CLEC4M: variants seen among roughly 807,000 people sequenced by gnomAD.
CLEC4M encodes the protein CD209 antigen-like protein 1.
A neutral mutation model predicts 39.1 loss-of-function variants in CLEC4M; 25 were observed. That is an observed-to-expected ratio of 0.64 (90% CI 0.47 to 0.89). CLEC4M has a LOEUF of 0.89. Ranked by LOEUF, CLEC4M falls within the 40% of genes least tolerant of loss-of-function variation. The pLI is 0.00. For synonymous variants in CLEC4M, 155 were observed against 177.4 expected (o/e 0.87, Z 1.00); for missense variants, 353 against 431.4 (o/e 0.82, Z 1.61).
At chr19:7,766,601 A>G (rs2034284763) in intron 4 of CLEC4M, 55 bp from the exon 5 acceptor site, 3 of 1,609,290 alleles carry the variant, frequency 1.9e-6, no homozygotes, top group Admixed American at 3.3e-5. Context: ...CTGGGCAGAT[A>G]TGGGAATATG....
chr19:7,763,341 T>C (rs1162796274), intron 1 of CLEC4M, 29 bp downstream of exon 1: 22 of 1,611,978 alleles, frequency 1.4e-5, no homozygotes, highest in Non-Finnish European at 1.9e-5. Flanking sequence ...TCTGGGATCC[T>C]GGGTAAGGGG....
Position 7,766,006 on chromosome 19 carries a change from T to G in CLEC4M, c.583T>G (p.Leu195Val), listed in dbSNP as rs142166281. ...LTRLKAAVGE[L>V]PEKSKLQEIY... is the part of the protein sequence containing the mutation. ...CCGGCTGAAGGCTGCAGTGGGTGAG[T>G]TGCCAGAGAAATCCAAGCTGCAGGA... is the stretch of plus-strand genomic sequence containing the variant. Residue 195 changes from leucine to valine, a missense_variant, in exon 4 of 7, where the codon TTG becomes GTG. Around this residue, in one of 4 missense-constraint regions of CLEC4M, gnomAD observed 18 missense variants for 77.1 expected, o/e 0.23. Coordinates refer to ENST00000327325, the MANE Select transcript of CLEC4M (RefSeq NM_014257.5). The G allele has an allele frequency of 1.4e-6, 2 of 1,407,380 alleles. No homozygotes were observed. Among genetic ancestry groups the G allele is most frequent in the African/African-American group, 3.1e-5 (2 of 64,140 alleles). The allele number at this position is 1,407,380 out of a possible 1,614,324, so 87.2% of individuals were successfully genotyped here. A position where few individuals can be genotyped will look rare whatever the true frequency, so the allele number is the denominator to read the frequency against.
Position 7,763,468 on chromosome 19 carries a change from G to A in CLEC4M, c.122G>A (p.Ser41Asn), listed in dbSNP as rs1212099048. Residue 41 changes from serine (S) to asparagine (N), a missense_variant, in exon 2 of 7, where the codon AGC (serine) becomes AAC (asparagine). Ser to Asn is a conservative substitution (Grantham distance 46). Around this residue, in one of 4 missense-constraint regions of CLEC4M, gnomAD observed 91 missense variants for 77.8 expected, o/e 1.17. Coordinates refer to ENST00000327325, the MANE Select transcript of CLEC4M (RefSeq NM_014257.5). ...FQFQQIHGHK[S>N]STGCLGHGAL... ...TTCCAGCAGATACATGGCCACAAGA[G>A]CTCTACAGGTAGGCAAGAGTTAGGG... 3 of 1,613,888 alleles carry A rather than the reference G, an allele frequency of 1.9e-6. No homozygotes were observed. Among genetic ancestry groups the A allele is most frequent in the African/African-American group, 2.7e-5 (2 of 75,022 alleles).
Position 7,768,976 on chromosome 19 carries a change from C to T in CLEC4M, c.1188C>T (p.Phe396=). ...YWICKKPAAC[F]RDE ...TCTGCAAAAAGCCCGCAGCCTGCTT[C>T]AGAGACGAATAGTTGTTTCCCTGCT... Residue 396 remains phenylalanine, a synonymous_variant, in exon 7 of 7, where the codon TTC becomes TTT. Coordinates refer to ENST00000327325, the MANE Select transcript of CLEC4M (RefSeq NM_014257.5). 3.1e-6 allele frequency: 5 copies of T among 1,614,042 alleles called. No homozygotes were observed. Among genetic ancestry groups the T allele is most frequent in the Non-Finnish European group, 3.4e-6 (4 of 1,179,908 alleles).
chr19:7,768,386 C>A (rs1012987255), intron 6 of CLEC4M: 8 of 156,616 alleles, frequency 5.1e-5, no homozygotes, highest in African/African-American at 1.9e-4. Context: ...CCATGCTGGC[C>A]AACACGGTGA....
chr19:7,767,035 G>A, intron 5 of CLEC4M: 2 of 707,194 alleles, frequency 2.8e-6, no homozygotes, highest in Non-Finnish European at 4.5e-6. Context: ...AACCACCACA[G>A]CATGCTGCAG....
chr19:7,768,735 TAC>T (rs1479397948), intron 6 of CLEC4M, 101 bp from the exon 7 acceptor site: 1 of 1,365,564 alleles, frequency 7.3e-7, no homozygotes, highest in African/African-American at 1.4e-5. Context: ...ATGTCCAGCA[TAC>T]ACATGTAGGG....
Position 7,769,024 on chromosome 19 carries a change from T to C in CLEC4M, c.*36T>C, listed in dbSNP as rs1406671292. On this transcript the variant is annotated 3_prime_UTR_variant, in exon 7 of 7. Coordinates refer to ENST00000327325, the MANE Select transcript of CLEC4M (RefSeq NM_014257.5). Reference sequence around the variant, plus strand: ...GCTAGCCTCAGCCTCCATTGTGGTATAGCAGAACTTCACCCACTTGTAAGC... The same window carrying C: ...GCTAGCCTCAGCCTCCATTGTGGTACAGCAGAACTTCACCCACTTGTAAGC... The C allele has an allele frequency of 1.9e-6, 3 of 1,603,332 alleles. No homozygotes were observed. Among genetic ancestry groups the C allele is most frequent in the Non-Finnish European group, 2.6e-6 (3 of 1,172,676 alleles).
At chr19:7,766,571 G>A in intron 4 of CLEC4M, 85 bp from the exon 5 acceptor site, 1 of 1,590,148 alleles carries the variant, frequency 6.3e-7, no homozygotes. Flanking sequence ...GAAGGGCCCT[G>A]ATTTTCAAGG....
intron 5 of CLEC4M, chr19:7,767,178 G>C (rs1271502356): frequency 1.4e-5 from 6 of 426,400 alleles, no homozygotes; most frequent in African/African-American, 9.9e-5. Context: ...GCTGAAAGGA[G>C]ATGTGCTGGA....
At chr19:7,768,719 C>A (rs926900544) in intron 6 of CLEC4M, 119 bp from the exon 7 acceptor site, 1 of 1,168,288 alleles carries the variant, frequency 8.6e-7, no homozygotes, top group Non-Finnish European at 1.2e-6. Flanking sequence ...GTGTGGAGAG[C>A]AATGCATGTC....
chr19:7,766,514 A>C (rs1355518893), intron 4 of CLEC4M, 142 bp from the exon 5 acceptor site: 93 of 1,510,740 alleles, frequency 6.2e-5, no homozygotes, highest in Non-Finnish European at 5.7e-5. Flanking sequence ...AGGGAGAGGA[A>C]TGGTCTCTCC....
intron 6 of CLEC4M, chr19:7,768,551 T>TG (rs774808170): frequency 1.6e-4 from 38 of 233,846 alleles, no homozygotes; most frequent in Non-Finnish European, 2.2e-4. Context: ...CACTCCAGCC[T>TG]GGCAACAGAG....
At chr19:7,766,373 C>T (rs2034275603) in intron 4 of CLEC4M, 166 bp downstream of exon 4, 1 of 1,473,958 alleles carries the variant, frequency 6.8e-7, no homozygotes, top group Non-Finnish European at 8.9e-7. Context: ...GCCAGGCACA[C>T]AGTAGACACT....
intron 5 of CLEC4M, 41 bp downstream of exon 5, chr19:7,766,848 C>T (rs2034301067): frequency 5.0e-6 from 8 of 1,613,032 alleles, no homozygotes; most frequent in Non-Finnish European, 6.8e-6. Context: ...TGGGGCATGG[C>T]TTCTGGCCAA....
At position 7,765,167 on chromosome 19, in the gene CLEC4M, G is replaced by A. The variant is rs767050381; in HGVS notation, c.131-18G>A. 22 of 1,613,358 alleles carry A rather than the reference G, an allele frequency of 1.4e-5. No homozygotes were observed. The Middle Eastern group carries it at 1.8e-3, about 133-fold the overall frequency. Reference sequence around the variant, plus strand: ...CAGGTGGGAACACTGGCAGGCTGACGCATGTATCCTCTCTCAGGGTGTCTT... The same window carrying A: ...CAGGTGGGAACACTGGCAGGCTGACACATGTATCCTCTCTCAGGGTGTCTT... On this transcript the variant is annotated intron_variant, in intron 2 of 6. Coordinates refer to ENST00000327325, the MANE Select transcript of CLEC4M (RefSeq NM_014257.5).
At chr19:7,767,113 A>G in intron 5 of CLEC4M, 1 of 478,040 alleles carries the variant, frequency 2.1e-6, no homozygotes, top group South Asian at 2.3e-5. Flanking sequence ...TCCCCAGTGT[A>G]AATATTTCCA....
At chr19:7,766,280 A>T in intron 4 of CLEC4M, 73 bp downstream of exon 4, 1 of 1,591,018 alleles carries the variant, frequency 6.3e-7, no homozygotes, top group South Asian at 1.1e-5. Flanking sequence ...TTGAGTTACC[A>T]ACCCTGCCTG....
In CLEC4M at chr19:7,769,036, A is replaced by C; in HGVS notation, c.*48A>C. The C allele has an allele frequency of 1.3e-6, 2 of 1,589,098 alleles. No homozygotes were observed. The highest frequency in any genetic ancestry group is 1.7e-6 in the Non-Finnish European group (2 of 1,162,678). ...CTCCATTGTGGTATAGCAGAACTTC[A>C]CCCACTTGTAAGCCAGCGCTTCTTC... On this transcript the variant is annotated 3_prime_UTR_variant, in exon 7 of 7. Coordinates refer to ENST00000327325, the MANE Select transcript of CLEC4M (RefSeq NM_014257.5).
Sources: gnomAD v4.1 joint callset for allele counts on GRCh38, gnomAD v4.1.1 for gene constraint, gnomAD v4.1.1 regional missense constraint, MANE v1.5 for transcripts, NCBI Gene and HGNC (gene_info 2026-07-23, HGNC 2026-07-21) for gene names.